SIL1: variants seen among roughly 807,000 people sequenced by gnomAD.
SIL1 encodes the protein nucleotide exchange factor SIL1.
In SIL1, 40 loss-of-function variants were observed where a neutral mutation model predicts 49.1. The observed-to-expected ratio is 0.81, with a 90% CI of 0.63 to 1.06. SIL1 has a LOEUF of 1.06. Ranked by LOEUF, SIL1 falls within the 50% of genes least tolerant of loss-of-function variation. The pLI is 0.00. For synonymous variants in SIL1, 253 were observed against 250.8 expected (o/e 1.01, Z -0.08); for missense variants, 500 against 572.6 (o/e 0.87, Z 1.29).
At chr5:139,147,678 C>T (rs1401804594) in intron 1 of SIL1, among the ~76,000 whole-genome samples, 1 of 152,234 alleles carries the variant, frequency 6.6e-6, no homozygotes, top group Non-Finnish European at 1.5e-5. Context: ...CACACCTCCA[C>T]ACTGAACTTG....
intron 3 of SIL1, among the ~76,000 whole-genome samples, chr5:139,059,882 T>A (rs893488152): frequency 6.6e-5 from 10 of 152,244 alleles, no homozygotes; most frequent in Non-Finnish European, 1.5e-4. Context: ...AACCTGCTCT[T>A]ATTATCTACA....
rs535040152 is a variant in SIL1, at chr5:139,018,684, T to G, written c.767+2487A>C. 3.3e-5 allele frequency among the ~76,000 whole-genome samples: 5 copies of G among 152,040 alleles called. No individual in the cohort carries two copies. In the South Asian group the frequency reaches 1.0e-3, roughly 32 times the overall value. ...AGAAAATGAGGAAGATAAAGGTTTTTATTGCAGAAAGAAAAGAAATAAGAA... is the reference window on the plus strand; with the variant it reads ...AGAAAATGAGGAAGATAAAGGTTTTGATTGCAGAAAGAAAAGAAATAAGAA... On this transcript the variant is annotated intron_variant, in intron 7 of 9. Transcript: ENST00000394817.
chr5:138,983,520 A>C (rs1289861311), intron 7 of SIL1, among the ~76,000 whole-genome samples: 1 of 151,698 alleles, frequency 6.6e-6, no homozygotes, highest in Non-Finnish European at 1.5e-5. Context: ...AAAAAAAAAA[A>C]GAAAAAAGAA....
At chr5:139,089,871 T>G (rs977145790) in intron 3 of SIL1, among the ~76,000 whole-genome samples, 3 of 152,182 alleles carry the variant, frequency 2.0e-5, no homozygotes, top group Admixed American at 2.0e-4. Flanking sequence ...TGTTTTCGGA[T>G]TAAATAGAAG....
intron 1 of SIL1, among the ~76,000 whole-genome samples, chr5:139,166,260 T>A (rs535141318): frequency 7.2e-4 from 109 of 152,236 alleles, no homozygotes; most frequent in Non-Finnish European, 1.1e-3. Context: ...AGACCACTTA[T>A]ACGACAGTGG....
chr5:139,194,858 G>A (rs966546490), intron 1 of SIL1, among the ~76,000 whole-genome samples: 4 of 152,002 alleles, frequency 2.6e-5, no homozygotes, highest in Non-Finnish European at 4.4e-5. Flanking sequence ...GAGCAGGTCA[G>A]AGTATGAATC....
Position 139,168,859 on chromosome 5 carries a change from G to T in SIL1, c.-11+29410C>A, listed in dbSNP as rs910425322. 6.6e-5 allele frequency among the ~76,000 whole-genome samples: 10 copies of T among 151,868 alleles called. No homozygotes were observed. In the East Asian group the frequency reaches 1.9e-3, roughly 29 times the overall value. ...TGTCTGTAGTCCCAGTTACTCTGGAGGCTGAGGTGGGAGAATCACCTGAGC... is the reference window on the plus strand; with the variant it reads ...TGTCTGTAGTCCCAGTTACTCTGGATGCTGAGGTGGGAGAATCACCTGAGC... On this transcript the variant is annotated intron_variant, in intron 1 of 9. Transcript: ENST00000394817.
At chr5:139,092,640 G>C (rs1218031896) in intron 3 of SIL1, among the ~76,000 whole-genome samples, 1 of 152,166 alleles carries the variant, frequency 6.6e-6, no homozygotes. Context: ...ACAGAAAGCA[G>C]AACCGCTACA....
At chr5:139,010,365 T>C (rs950715588) in intron 7 of SIL1, among the ~76,000 whole-genome samples, 1 of 150,356 alleles carries the variant, frequency 6.7e-6, no homozygotes, top group Non-Finnish European at 1.5e-5. Flanking sequence ...TACATTCTTC[T>C]AATTTTTTTT....
intron 5 of SIL1, among the ~76,000 whole-genome samples, chr5:139,031,494 C>A (rs1331013437): frequency 6.6e-6 from 1 of 152,174 alleles, no homozygotes; most frequent in Non-Finnish European, 1.5e-5. Context: ...TCCACCAATA[C>A]CACATTGTCT....
intron 2 of SIL1, among the ~76,000 whole-genome samples, chr5:139,122,417 A>G (rs939340451): frequency 1.3e-5 from 2 of 152,008 alleles, no homozygotes; most frequent in African/African-American, 4.8e-5. Context: ...ACACCACAAA[A>G]CCCCACCTCT....
At chr5:138,998,349 G>A (rs968751294) in intron 7 of SIL1, among the ~76,000 whole-genome samples, 2 of 152,040 alleles carry the variant, frequency 1.3e-5, no homozygotes, top group South Asian at 2.1e-4. Flanking sequence ...TATATTTTTT[G>A]TAGAGATGGG....
intron 3 of SIL1, chr5:139,108,118 G>C (rs1249703577): frequency 6.6e-6 from 1 of 152,176 alleles, no homozygotes; most frequent in Non-Finnish European, 1.5e-5. Context: ...GGCATTATAG[G>C]CTTTATCTTT....
At chr5:139,033,285 G>A (rs545526959) in intron 5 of SIL1, among the ~76,000 whole-genome samples, 17 of 152,046 alleles carry the variant, frequency 1.1e-4, no homozygotes, top group Admixed American at 3.3e-4. Flanking sequence ...GTGAGCCACC[G>A]TGCCCAGCCA....
chr5:139,040,680 G>A lies in SIL1; in HGVS notation c.453+1940C>T, dbSNP rs866992812. Reference sequence around the variant, plus strand: ...TGCCCGGCTAATTTTTGCATTTTCAGTAGAGACGGGGTTTCACCATGTTGG... The same window carrying A: ...TGCCCGGCTAATTTTTGCATTTTCAATAGAGACGGGGTTTCACCATGTTGG... On this transcript the variant is annotated intron_variant, in intron 5 of 9. Transcript: ENST00000394817. Among the ~76,000 whole-genome samples, 98 of 151,458 alleles carry A rather than the reference G, an allele frequency of 6.5e-4. 1 individual carries two copies. The highest frequency in any genetic ancestry group is 2.2e-3 in the African/African-American group (92 of 41,180).
chr5:139,022,820 G>C (rs1346968538), intron 6 of SIL1, among the ~76,000 whole-genome samples: 1 of 152,212 alleles, frequency 6.6e-6, no homozygotes, highest in East Asian at 1.9e-4. Flanking sequence ...TCAGGGTTGG[G>C]TGCTTTGCTG....
At chr5:139,111,851 G>A (rs1581107905) in intron 3 of SIL1, among the ~76,000 whole-genome samples, 1 of 151,156 alleles carries the variant, frequency 6.6e-6, no homozygotes, top group African/African-American at 2.5e-5. Context: ...CACTCCCCAC[G>A]GTCTCCCTCT....
chr5:139,073,400 C>G (rs1202290665), intron 3 of SIL1, among the ~76,000 whole-genome samples: 2 of 152,044 alleles, frequency 1.3e-5, no homozygotes, highest in Non-Finnish European at 2.9e-5. Context: ...ATGGGTGAGC[C>G]TAGAAGAATT....
At chr5:139,026,718 T>C in intron 6 of SIL1, 83 bp downstream of exon 6, 1 of 1,200,286 alleles carries the variant, frequency 8.3e-7, no homozygotes, top group Non-Finnish European at 1.2e-6. Context: ...AAGATGTTGA[T>C]GCTATTTTCT....
Sources: gnomAD v4.1 joint callset for allele counts (sites outside exome capture counted in the v4.1 genomes callset) on GRCh38, gnomAD v4.1.1 for gene constraint, MANE v1.5 for transcripts, NCBI Gene and HGNC (gene_info 2026-07-23, HGNC 2026-07-21) for gene names.